The following GPC6 variants were observed in gnomAD, a reference collection of about 807,000 sequenced individuals.
GPC6 encodes the protein glypican-6.
GPC6 carries 14 observed loss-of-function variants against 55.2 expected under a neutral mutation model. That is an observed-to-expected ratio of 0.25 (90% CI 0.17 to 0.40). GPC6 has a LOEUF of 0.40. Ranked by LOEUF, GPC6 falls within the 10% of genes least tolerant of loss-of-function variation. The probability of loss-of-function intolerance (pLI) is 1.00; values close to 1 mark genes in which losing one functional copy is unlikely to be tolerated. For synonymous variants in GPC6, 278 were observed against 259.6 expected, an observed-to-expected ratio of 1.07 and a Z score of -0.68; for missense variants, 641 against 708.5, an observed-to-expected ratio of 0.90 and a Z score of 1.08.
At chr13:93,529,416 A>G (rs1172779150) in intron 1 of GPC6, among the ~76,000 whole-genome samples, 1 of 150,416 alleles carries the variant, frequency 6.6e-6, no homozygotes, top group African/African-American at 2.4e-5. Flanking sequence ...AGGTGGGTGG[A>G]TGTCCAGGAT....
intron 4 of GPC6, among the ~76,000 whole-genome samples, chr13:94,262,674 G>GAA (rs60528347): frequency 6.9e-4 from 58 of 84,204 alleles, no homozygotes; most frequent in Non-Finnish European, 8.9e-4. Context: ...CTCCGTCTCA[G>GAA]AAAAAAAAAA....
chr13:94,314,694 C>G (rs1337650010), intron 6 of GPC6, among the ~76,000 whole-genome samples: 1 of 152,174 alleles, frequency 6.6e-6, no homozygotes, highest in African/African-American at 2.4e-5. Context: ...AATATTTTCT[C>G]TTAGCTGTCT....
Position 93,542,136 on chromosome 13 carries a change from C to G in GPC6, c.161-3127C>G, listed in dbSNP as rs1050604182. 5.9e-5 allele frequency among the ~76,000 whole-genome samples: 9 copies of G among 152,138 alleles called. 1 individual carries two copies. Among genetic ancestry groups the G allele is most frequent in the Admixed American group, 2.6e-4 (4 of 15,276 alleles). The stretch of plus-strand genomic sequence containing the variant: ...TGAATGCTAATGCCTAGGTTTTATT[C>G]TAGGGTTTTTATGGTTTTAGGTCTA... On this transcript the variant is annotated intron_variant, in intron 1 of 8. Transcript: ENST00000377047.
chr13:93,547,470 T>A (rs1874869536), intron 2 of GPC6, among the ~76,000 whole-genome samples: 1 of 152,192 alleles, frequency 6.6e-6, no homozygotes, highest in African/African-American at 2.4e-5. Flanking sequence ...ATCTGGTTTG[T>A]CTTATTAAAG....
chr13:93,626,092 G>A (rs574652763), intron 2 of GPC6, among the ~76,000 whole-genome samples: 28 of 152,254 alleles, frequency 1.8e-4, no homozygotes, highest in Middle Eastern at 6.8e-3. Context: ...AATTTCATTT[G>A]CTACAAACGC....
intron 6 of GPC6, among the ~76,000 whole-genome samples, chr13:94,365,914 C>T (rs1487708105): frequency 1.3e-5 from 2 of 152,190 alleles, no homozygotes; most frequent in Non-Finnish European, 2.9e-5. Flanking sequence ...AGCCACCAAA[C>T]TGTTGGAATT....
chr13:94,313,027 T>C (rs1158028652), intron 6 of GPC6, among the ~76,000 whole-genome samples: 2 of 152,084 alleles, frequency 1.3e-5, no homozygotes, highest in African/African-American at 4.8e-5. Flanking sequence ...TCATTTTCAA[T>C]GAACCCTTGG....
At chr13:93,725,742 G>C (rs1201874381) in intron 2 of GPC6, among the ~76,000 whole-genome samples, 3 of 152,020 alleles carry the variant, frequency 2.0e-5, no homozygotes, top group African/African-American at 7.2e-5. Flanking sequence ...ATATCCAATA[G>C]ATGATTTGTT....
At chr13:93,476,717 C>G (rs1425570615) in intron 1 of GPC6, among the ~76,000 whole-genome samples, 2 of 152,156 alleles carry the variant, frequency 1.3e-5, no homozygotes, top group African/African-American at 4.8e-5. Flanking sequence ...TCAGCATTTT[C>G]TGCCCTTAGA....
intron 4 of GPC6, among the ~76,000 whole-genome samples, chr13:94,271,850 A>G (rs1350630812): frequency 6.6e-6 from 1 of 152,134 alleles, no homozygotes; most frequent in African/African-American, 2.4e-5. Flanking sequence ...AGCTTTAAAC[A>G]AGATGCAAAG....
chr13:93,612,887 G>A (rs1018897721), intron 2 of GPC6, among the ~76,000 whole-genome samples: 1 of 152,088 alleles, frequency 6.6e-6, no homozygotes, highest in African/African-American at 2.4e-5. Context: ...TTTTAGGTGG[G>A]AGTATTTGAG....
At chr13:93,536,580 A>G (rs77539478) in intron 1 of GPC6, among the ~76,000 whole-genome samples, 1,741 of 152,298 alleles carry the variant, frequency 0.011, 27 homozygotes, top group African/African-American at 0.039. Context: ...TGGGGAAATA[A>G]TAGTCCATTG....
chr13:94,327,025 G>A (rs1359678972), intron 6 of GPC6, among the ~76,000 whole-genome samples: 1 of 152,126 alleles, frequency 6.6e-6, no homozygotes, highest in Non-Finnish European at 1.5e-5. Context: ...TAAATATTTT[G>A]GTAGTTTAGC....
intron 3 of GPC6, among the ~76,000 whole-genome samples, chr13:93,856,666 C>T (rs937497046): frequency 2.0e-5 from 3 of 151,588 alleles, no homozygotes; most frequent in Non-Finnish European, 4.4e-5. Flanking sequence ...CAGATATTTT[C>T]AAGGTGGACA....
intron 2 of GPC6, among the ~76,000 whole-genome samples, chr13:93,775,183 C>T (rs1885427630): frequency 6.6e-6 from 1 of 152,080 alleles, no homozygotes; most frequent in Non-Finnish European, 1.5e-5. Context: ...CTTTTTATTG[C>T]TTCAAGAGAC....
chr13:93,980,816 A>G (rs990407562), intron 3 of GPC6, among the ~76,000 whole-genome samples: 1 of 152,018 alleles, frequency 6.6e-6, no homozygotes, highest in East Asian at 1.9e-4. Flanking sequence ...GCTCCTCTTT[A>G]TAGGATAAGG....
chr13:94,274,004 C>A (rs1892124753), intron 4 of GPC6, among the ~76,000 whole-genome samples: 1 of 152,178 alleles, frequency 6.6e-6, no homozygotes, highest in African/African-American at 2.4e-5. Context: ...TCATGATTTA[C>A]AAGGCCTACT....
intron 3 of GPC6, among the ~76,000 whole-genome samples, chr13:93,961,890 T>G (rs1879794187): frequency 6.6e-6 from 1 of 152,182 alleles, no homozygotes; most frequent in Admixed American, 6.5e-5. Context: ...CCATTTCTAC[T>G]AAAATCTTTG....
At chr13:93,913,943 C>A (rs574924858) in intron 3 of GPC6, among the ~76,000 whole-genome samples, 16 of 91,212 alleles carry the variant, frequency 1.8e-4, no homozygotes, top group African/African-American at 6.2e-4. Context: ...CCCACACCTT[C>A]CATTTCTAGA....
Sources: gnomAD v4.1 joint callset for allele counts (sites outside exome capture counted in the v4.1 genomes callset) on GRCh38, gnomAD v4.1.1 for gene constraint, MANE v1.5 for transcripts, NCBI Gene and HGNC (gene_info 2026-07-23, HGNC 2026-07-21) for gene names.